Variants in VSTM4 observed in about 807,000 individuals in gnomAD.
The protein encoded by VSTM4 is V-set and transmembrane domain containing 4, also known as V-set and transmembrane domain-containing protein 4.
Under a neutral mutation model 36.4 loss-of-function variants are expected in VSTM4, and 20 were observed. The observed-to-expected ratio is 0.55, with a 90% confidence interval of 0.39 to 0.80. VSTM4 has a LOEUF of 0.80. VSTM4 is among the 30% of genes least tolerant of loss of function. The probability of loss-of-function intolerance (pLI) is 0.00; values close to 1 mark genes in which losing one functional copy is unlikely to be tolerated. For missense variants in VSTM4, 392 were observed against 404.5 expected (o/e 0.97, Z 0.26); for synonymous variants, 182 against 173.9 (o/e 1.05, Z -0.37).
intron 7 of VSTM4, among the ~76,000 whole-genome samples, chr10:49,046,444 C>T (rs1843612307): frequency 6.6e-6 from 1 of 152,156 alleles, no homozygotes. Flanking sequence ...GCAGGTAGAC[C>T]AAAATCTGGT....
At chr10:49,086,323 ATAAT>A (rs1233923759) in intron 2 of VSTM4, among the ~76,000 whole-genome samples, 1 of 152,220 alleles carries the variant, frequency 6.6e-6, no homozygotes, top group African/African-American at 2.4e-5. Context: ...GGCAAACCCA[ATAAT>A]TAATACATGA....
intron 1 of VSTM4, among the ~76,000 whole-genome samples, chr10:49,108,977 G>C (rs1046558478): frequency 2.0e-5 from 3 of 152,196 alleles, no homozygotes; most frequent in Non-Finnish European, 2.9e-5. Flanking sequence ...TCACAGCACA[G>C]CCCTCTGGCA....
intron 7 of VSTM4, among the ~76,000 whole-genome samples, chr10:49,039,530 G>T (rs765679440): frequency 2.6e-5 from 4 of 152,092 alleles, no homozygotes; most frequent in African/African-American, 4.8e-5. Flanking sequence ...TATGTCTTTC[G>T]TCTGGGGCTG....
intron 5 of VSTM4, 161 bp downstream of exon 5, chr10:49,064,541 GA>G: frequency 1.2e-6 from 1 of 812,876 alleles, no homozygotes; most frequent in Admixed American, 2.8e-5. Flanking sequence ...GTAGACCTTG[GA>G]AACATGCAAA....
chr10:49,093,509 G>C (rs547079888), intron 2 of VSTM4, among the ~76,000 whole-genome samples: 1 of 152,176 alleles, frequency 6.6e-6, no homozygotes, highest in Non-Finnish European at 1.5e-5. Flanking sequence ...AAGGATGGAC[G>C]TGTCTTCCCA....
In VSTM4 at chr10:49,107,802, C is replaced by T; in HGVS notation, c.249G>A (p.Val83=). 6.2e-7 allele frequency: 1 copy of T among 1,614,280 alleles called. No individual in the cohort carries two copies. Among genetic ancestry groups the T allele is most frequent in the Non-Finnish European group, 8.5e-7 (1 of 1,180,050 alleles). ...GGCTGAAATTCCCATAGTACTGCAC[C>T]ACCCGGAGCTTGGTCATCTTCACCA... ...ALMVKMTKLR[V]VQYYGNFSRS... The change falls in exon 2 of 8, where the codon GTG becomes GTA. Residue 83 remains valine (V), a synonymous_variant. Transcript: ENST00000332853.
intron 1 of VSTM4, 76 bp from the exon 2 acceptor site, chr10:49,108,071 C>T (rs1414026659): frequency 6.8e-7 from 1 of 1,463,356 alleles, no homozygotes; most frequent in Non-Finnish European, 9.0e-7. Flanking sequence ...GTCGAGGAGC[C>T]AGGAAATGCC....
intron 4 of VSTM4, among the ~76,000 whole-genome samples, chr10:49,066,895 C>T (rs973636907): frequency 6.6e-5 from 10 of 152,046 alleles, no homozygotes; most frequent in African/African-American, 2.4e-4. Flanking sequence ...ATAGGGTAAT[C>T]AATAAAGAAC....
chr10:49,063,528 C>T (rs1358129184), intron 5 of VSTM4, among the ~76,000 whole-genome samples: 1 of 152,152 alleles, frequency 6.6e-6, no homozygotes, highest in East Asian at 1.9e-4. Context: ...TTTTTGTAGG[C>T]AGTCACCCAG....
intron 5 of VSTM4, among the ~76,000 whole-genome samples, chr10:49,049,288 A>G (rs758029473): frequency 1.3e-5 from 2 of 152,210 alleles, no homozygotes; most frequent in African/African-American, 4.8e-5. Flanking sequence ...ACGGGAAGAT[A>G]AGCCTTTTAC....
intron 7 of VSTM4, among the ~76,000 whole-genome samples, chr10:49,020,313 A>G (rs1843162540): frequency 6.6e-6 from 1 of 152,194 alleles, no homozygotes; most frequent in Non-Finnish European, 1.5e-5. Context: ...CCATGGCCTG[A>G]AATACTTATG....
chr10:49,103,619 TATC>T, intron 2 of VSTM4: 5 of 1,487,214 alleles, frequency 3.4e-6, no homozygotes, highest in Non-Finnish European at 4.5e-6. Context: ...TTTTTAAATA[TATC>T]ATCGCAAGTC....
chr10:49,029,613 GC>G (rs750679230), intron 7 of VSTM4, among the ~76,000 whole-genome samples: 2 of 152,222 alleles, frequency 1.3e-5, no homozygotes, highest in Non-Finnish European at 2.9e-5. Flanking sequence ...TGATGTGAAT[GC>G]CTTGTATCCA....
At chr10:49,090,899 T>C (rs1844461681) in intron 2 of VSTM4, among the ~76,000 whole-genome samples, 1 of 150,882 alleles carries the variant, frequency 6.6e-6, no homozygotes, top group South Asian at 2.1e-4. Flanking sequence ...CACACTCCTC[T>C]ACCATCCGTC....
At chr10:49,073,528 C>A (rs1341692432) in intron 4 of VSTM4, among the ~76,000 whole-genome samples, 1 of 152,210 alleles carries the variant, frequency 6.6e-6, no homozygotes, top group Non-Finnish European at 1.5e-5. Context: ...ACCATGACTC[C>A]CTTGTTGAGC....
intron 4 of VSTM4, among the ~76,000 whole-genome samples, chr10:49,072,684 C>A (rs1234635909): frequency 1.3e-5 from 2 of 152,154 alleles, no homozygotes; most frequent in Non-Finnish European, 2.9e-5. Context: ...GAGCCTGGAG[C>A]AAGTTGGGGG....
chr10:49,045,463 C>A (rs1843593759), intron 7 of VSTM4, among the ~76,000 whole-genome samples: 1 of 152,036 alleles, frequency 6.6e-6, no homozygotes, highest in Non-Finnish European at 1.5e-5. Context: ...CTGCTGCAAG[C>A]AAAATCTACT....
chr10:49,057,628 A>G (rs1843804246), intron 5 of VSTM4, among the ~76,000 whole-genome samples: 2 of 152,086 alleles, frequency 1.3e-5, no homozygotes, highest in Admixed American at 6.6e-5. Context: ...CCCTGCCTGG[A>G]GGGCTGTGGA....
At position 49,017,441 on chromosome 10, in the gene VSTM4, C is replaced by A. The variant is rs1395498042; in HGVS notation, c.*2209G>T. ...TTAGTGTGGATTCATGCAGTGATGA[C>A]CACAGTTTGGGAGAAAGAGGCTGGA... On this transcript the variant is annotated 3_prime_UTR_variant, in exon 8 of 8. Transcript: ENST00000332853. 1 of 152,176 alleles carries A rather than the reference C, an allele frequency of 6.6e-6. No individual in the cohort carries two copies. The highest frequency in any genetic ancestry group is 6.5e-5 in the Admixed American group (1 of 15,282). 9.4% of individuals were successfully genotyped at this position (152,176 alleles called of 1,614,324 possible).
Sources: allele counts gnomAD v4.1 joint callset (sites outside exome capture counted in the v4.1 genomes callset), GRCh38; gene constraint gnomAD v4.1.1; transcripts MANE v1.5; gene names NCBI Gene and HGNC (gene_info 2026-07-23, HGNC 2026-07-21).